The following SDK1 variants were observed in gnomAD, a reference collection of about 807,000 sequenced individuals.
The protein encoded by SDK1 is protein sidekick-1.
A neutral mutation model predicts 245.5 loss-of-function variants in SDK1; 157 were observed. The ratio of observed to expected loss-of-function variants is 0.64; its 90% CI spans 0.56 to 0.73. The LOEUF is 0.73. Ranked by LOEUF, SDK1 falls within the 30% of genes least tolerant of loss-of-function variation. The pLI is 0.00. For missense variants in SDK1, 3,583 were observed against 3,002.3 expected, an observed-to-expected ratio of 1.19 and a Z score of -4.52; for synonymous variants, 1,647 against 1,278.5, an observed-to-expected ratio of 1.29 and a Z score of -6.15.
At chr7:3,943,762 A>G (rs1165615742) in intron 5 of SDK1, among the ~76,000 whole-genome samples, 1 of 152,060 alleles carries the variant, frequency 6.6e-6, no homozygotes, top group Non-Finnish European at 1.5e-5. Flanking sequence ...GTACTTTTTA[A>G]TTAAATGCGA....
chr7:4,106,506 C>A (rs1014647978), intron 22 of SDK1, among the ~76,000 whole-genome samples: 2 of 152,068 alleles, frequency 1.3e-5, no homozygotes, highest in African/African-American at 2.4e-5. Flanking sequence ...CCATGTTGGC[C>A]AGGATGGTCT....
chr7:3,579,013 A>T (rs1401228730), intron 1 of SDK1, among the ~76,000 whole-genome samples: 1 of 151,946 alleles, frequency 6.6e-6, no homozygotes, highest in Non-Finnish European at 1.5e-5. Context: ...AATGTCCTTG[A>T]AATCTTCACA....
At chr7:3,383,721 G>A (rs550381196) in intron 1 of SDK1, among the ~76,000 whole-genome samples, 4 of 152,306 alleles carry the variant, frequency 2.6e-5, no homozygotes, top group African/African-American at 9.6e-5. Context: ...ACAAATTACT[G>A]TAGCCCTAAA....
intron 38 of SDK1, among the ~76,000 whole-genome samples, chr7:4,218,382 G>T (rs1237179955): frequency 6.6e-6 from 1 of 151,204 alleles, no homozygotes; most frequent in Non-Finnish European, 1.5e-5. Context: ...GACAGAGCGA[G>T]ACTCCGTCTC....
At chr7:3,919,394 T>G (rs12701284) in intron 5 of SDK1, among the ~76,000 whole-genome samples, 40,674 of 152,142 alleles carry the variant, frequency 0.27, 5,836 homozygotes, top group Middle Eastern at 0.39. Flanking sequence ...CATCTACTGC[T>G]GCAGGTCAGG....
At chr7:3,615,365 C>T (rs139288197) in intron 1 of SDK1, among the ~76,000 whole-genome samples, 1 of 151,590 alleles carries the variant, frequency 6.6e-6, no homozygotes, top group Non-Finnish European at 1.5e-5. Context: ...GGACACATGG[C>T]TACATTCAAA....
intron 27 of SDK1, among the ~76,000 whole-genome samples, chr7:4,131,326 G>A (rs1370760037): frequency 2.6e-5 from 4 of 152,198 alleles, no homozygotes; most frequent in African/African-American, 9.7e-5. Flanking sequence ...TAAACAGCCT[G>A]GGAGAGGGCT....
In SDK1 at chr7:3,507,608, G is replaced by A. The variant is rs145654011; in HGVS notation, c.299-111472G>A. Among the ~76,000 whole-genome samples, 498 of 152,244 alleles carry A rather than the reference G, an allele frequency of 3.3e-3. 5 individuals are homozygous for A. Among genetic ancestry groups the A allele is most frequent in the Middle Eastern group, 0.014 (4 of 294 alleles). The stretch of plus-strand genomic sequence containing the variant: ...ACCTGTTATTTTATAGTCCATTAAT[G>A]CAGAAATGTTTCCATCCTTGCTGTA... On this transcript the variant is annotated intron_variant, in intron 1 of 44. Coordinates refer to ENST00000404826, the MANE Select transcript of SDK1 (RefSeq NM_152744.4).
chr7:3,735,704 A>G (rs1375733006), intron 4 of SDK1, among the ~76,000 whole-genome samples: 2 of 152,154 alleles, frequency 1.3e-5, no homozygotes, highest in Non-Finnish European at 2.9e-5. Flanking sequence ...AGATCATATG[A>G]TAATTCTATT....
At chr7:4,069,889 C>T (rs1780137358) in intron 20 of SDK1, among the ~76,000 whole-genome samples, 1 of 152,174 alleles carries the variant, frequency 6.6e-6, no homozygotes, top group Non-Finnish European at 1.5e-5. Flanking sequence ...GGTGACGTCC[C>T]ACCATCACAG....
At chr7:3,584,293 C>T (rs1167002368) in intron 1 of SDK1, among the ~76,000 whole-genome samples, 5 of 152,128 alleles carry the variant, frequency 3.3e-5, no homozygotes, top group Non-Finnish European at 7.4e-5. Context: ...AAACCTAATG[C>T]ACCTCTTTGG....
At chr7:3,784,059 TA>T (rs1780828174) in intron 4 of SDK1, among the ~76,000 whole-genome samples, 1 of 151,390 alleles carries the variant, frequency 6.6e-6, no homozygotes, top group African/African-American at 2.4e-5. Context: ...GATTTAAATT[TA>T]TTTTCTTTTT....
chr7:3,388,858 A>G (rs1241858759), intron 1 of SDK1, among the ~76,000 whole-genome samples: 2 of 152,202 alleles, frequency 1.3e-5, no homozygotes, highest in Admixed American at 6.5e-5. Flanking sequence ...TATACAGATG[A>G]TAAAGAGAAG....
intron 20 of SDK1, among the ~76,000 whole-genome samples, chr7:4,072,853 T>C (rs916152249): frequency 6.6e-6 from 1 of 152,212 alleles, no homozygotes; most frequent in Non-Finnish European, 1.5e-5. Flanking sequence ...GCTTCCATTT[T>C]AATTCGAGGC....
chr7:3,670,836 C>T (rs576828102), intron 4 of SDK1, among the ~76,000 whole-genome samples: 1 of 152,156 alleles, frequency 6.6e-6, no homozygotes, highest in South Asian at 2.1e-4. Context: ...TAGGTATCCC[C>T]TTTTACTACT....
At chr7:4,249,878 ACT>A (rs1248112038) in intron 44 of SDK1, among the ~76,000 whole-genome samples, 1 of 152,090 alleles carries the variant, frequency 6.6e-6, no homozygotes, top group African/African-American at 2.4e-5. Flanking sequence ...TTAAGACCTA[ACT>A]CACATGTCAT....
At chr7:3,446,738 A>G (rs754002497) in intron 1 of SDK1, among the ~76,000 whole-genome samples, 2 of 152,202 alleles carry the variant, frequency 1.3e-5, no homozygotes, top group Non-Finnish European at 2.9e-5. Flanking sequence ...ACAAATAACT[A>G]GTATCAAATC....
chr7:4,050,016 C>A (rs1049935642), intron 18 of SDK1, among the ~76,000 whole-genome samples: 1 of 152,230 alleles, frequency 6.6e-6, no homozygotes, highest in Non-Finnish European at 1.5e-5. Context: ...GTTAACTTCA[C>A]TGATGTACCA....
chr7:4,211,383 G>A (rs990540269), intron 38 of SDK1, among the ~76,000 whole-genome samples: 8 of 152,094 alleles, frequency 5.3e-5, no homozygotes, highest in Non-Finnish European at 1.0e-4. Flanking sequence ...GAGGCCGGCC[G>A]GGGCTGTGGC....
Sources: gnomAD v4.1 joint callset for allele counts (sites outside exome capture counted in the v4.1 genomes callset) on GRCh38, gnomAD v4.1.1 for gene constraint, MANE v1.5 for transcripts, NCBI Gene and HGNC (gene_info 2026-07-23, HGNC 2026-07-21) for gene names.